The following KCNH8 variants were observed in gnomAD, a reference collection of about 807,000 sequenced individuals.
KCNH8 encodes the protein potassium voltage-gated channel subfamily H member 8, also known as voltage-gated delayed rectifier potassium channel KCNH8.
In KCNH8, 70 loss-of-function variants were observed where a neutral mutation model predicts 103.6. The observed-to-expected ratio is 0.68, with a 90% CI of 0.56 to 0.82. KCNH8 has a LOEUF of 0.82. Ranked by LOEUF, KCNH8 falls within the 40% of genes least tolerant of loss-of-function variation. The pLI, the probability that KCNH8 is intolerant of heterozygous loss-of-function variation, is 0.00. For synonymous variants in KCNH8, 498 were observed against 489.4 expected, an observed-to-expected ratio of 1.02 and a Z score of -0.23; for missense variants, 1,217 against 1,329.9, an observed-to-expected ratio of 0.92 and a Z score of 1.32.
chr3:19,484,753 C>A (rs1025584598), intron 11 of KCNH8, among the ~76,000 whole-genome samples: 9 of 152,126 alleles, frequency 5.9e-5, no homozygotes, highest in African/African-American at 2.2e-4. Context: ...AAAGGATGAA[C>A]TGGGGAGAAT....
chr3:19,345,075 A>G (rs1291522348), intron 4 of KCNH8, among the ~76,000 whole-genome samples: 4 of 152,118 alleles, frequency 2.6e-5, no homozygotes, highest in Non-Finnish European at 5.9e-5. Context: ...TCAGGATGCA[A>G]CATATTTTAG....
chr3:19,382,207 A>G (rs1451622856), intron 5 of KCNH8, among the ~76,000 whole-genome samples: 2 of 152,194 alleles, frequency 1.3e-5, no homozygotes, highest in African/African-American at 4.8e-5. Context: ...AAGTTTCAAA[A>G]AACAATTCAT....
intron 5 of KCNH8, among the ~76,000 whole-genome samples, chr3:19,375,834 C>T (rs1472338250): frequency 2.0e-5 from 3 of 152,112 alleles, no homozygotes; most frequent in African/African-American, 7.2e-5. Flanking sequence ...AGACAGGGCC[C>T]TCAGCTGCAG....
intron 8 of KCNH8, among the ~76,000 whole-genome samples, chr3:19,448,076 A>C (rs974682860): frequency 6.6e-5 from 10 of 152,074 alleles, no homozygotes; most frequent in African/African-American, 2.4e-4. Context: ...GCATGCTGAA[A>C]ATTCATAACA....
At chr3:19,264,039 A>ACTTT (rs1277836565) in intron 2 of KCNH8, among the ~76,000 whole-genome samples, 1 of 152,016 alleles carries the variant, frequency 6.6e-6, no homozygotes, top group Admixed American at 6.6e-5. Flanking sequence ...CTTACCTGAG[A>ACTTT]CTTTGCATGC....
At chr3:19,231,455 C>T (rs1175529736) in intron 1 of KCNH8, among the ~76,000 whole-genome samples, 1 of 152,064 alleles carries the variant, frequency 6.6e-6, no homozygotes, top group African/African-American at 2.4e-5. Flanking sequence ...TTTACATTTA[C>T]ATTTTATATT....
chr3:19,498,759 G>T (rs966878765), intron 11 of KCNH8, among the ~76,000 whole-genome samples: 4 of 152,028 alleles, frequency 2.6e-5, no homozygotes, highest in Non-Finnish European at 5.9e-5. Flanking sequence ...TGGGTTTTTT[G>T]GTGTGGATGT....
intron 11 of KCNH8, among the ~76,000 whole-genome samples, chr3:19,458,326 T>C (rs1043651310): frequency 2.6e-5 from 4 of 151,966 alleles, no homozygotes; most frequent in Non-Finnish European, 5.9e-5. Flanking sequence ...ATGACAATTG[T>C]TTTGAAAATC....
intron 3 of KCNH8, among the ~76,000 whole-genome samples, chr3:19,325,007 A>G (rs1045067721): frequency 2.0e-5 from 3 of 152,160 alleles, no homozygotes; most frequent in Admixed American, 1.3e-4. Flanking sequence ...CCAATGGAAC[A>G]GCATAGACAA....
chr3:19,181,866 T>G (rs568155709), intron 1 of KCNH8, among the ~76,000 whole-genome samples: 25 of 152,268 alleles, frequency 1.6e-4, no homozygotes, highest in Admixed American at 1.2e-3. Context: ...GTTACAAAAC[T>G]GGACAAGAAT....
chr3:19,396,124 G>A (rs879289119), intron 7 of KCNH8, among the ~76,000 whole-genome samples: 6 of 151,838 alleles, frequency 4.0e-5, no homozygotes, highest in Non-Finnish European at 7.4e-5. Context: ...ATTAATCTGA[G>A]ATTTAATCAA....
At chr3:19,476,288 T>C (rs1461364806) in intron 11 of KCNH8, among the ~76,000 whole-genome samples, 1 of 152,158 alleles carries the variant, frequency 6.6e-6, no homozygotes, top group Non-Finnish European at 1.5e-5. Context: ...TTCAACTTTT[T>C]TGTTGCAGTG....
intron 7 of KCNH8, among the ~76,000 whole-genome samples, chr3:19,423,715 C>T (rs1443697603): frequency 2.0e-5 from 3 of 151,768 alleles, no homozygotes; most frequent in Admixed American, 6.6e-5. Context: ...TCATATTTTT[C>T]AATTGCGAAT....
intron 14 of KCNH8, among the ~76,000 whole-genome samples, chr3:19,516,669 C>T (rs190742495): frequency 3.3e-5 from 5 of 152,128 alleles, no homozygotes; most frequent in African/African-American, 1.2e-4. Flanking sequence ...TCTTCCTTAA[C>T]CTATCACCTA....
In KCNH8 at chr3:19,324,506, G is replaced by A. The variant is rs80286940; in HGVS notation, c.443-18081G>A. Among the ~76,000 whole-genome samples the A allele has an allele frequency of 1.5e-4, 23 of 152,210 alleles. No individual in the cohort carries two copies. In the East Asian group the frequency reaches 4.5e-3, roughly 29 times the overall value. ...CACCAGGTCCCTTCCTCAACATGTG[G>A]GGATTATATGAATTACAACTGGAGA... is the stretch of plus-strand genomic sequence containing the variant. On this transcript the variant is annotated intron_variant, in intron 3 of 15. Coordinates refer to ENST00000328405, the MANE Select transcript of KCNH8 (RefSeq NM_144633.3).
At chr3:19,424,118 T>C (rs1396042775) in intron 7 of KCNH8, among the ~76,000 whole-genome samples, 1 of 152,080 alleles carries the variant, frequency 6.6e-6, no homozygotes. Context: ...AATTCTAAAA[T>C]TCATATGGAA....
chr3:19,468,585 G>A (rs931969827), intron 11 of KCNH8, among the ~76,000 whole-genome samples: 1 of 152,144 alleles, frequency 6.6e-6, no homozygotes, highest in Non-Finnish European at 1.5e-5. Context: ...AATAATAGGG[G>A]AAAAATAAAG....
intron 3 of KCNH8, among the ~76,000 whole-genome samples, chr3:19,318,661 G>A (rs865877697): frequency 1.8e-4 from 15 of 85,262 alleles, no homozygotes; most frequent in East Asian, 1.2e-3. Flanking sequence ...GTGTGTGTGT[G>A]TACACACACA....
chr3:19,350,768 G>T (rs528371898), intron 5 of KCNH8, among the ~76,000 whole-genome samples: 1 of 152,096 alleles, frequency 6.6e-6, no homozygotes, highest in South Asian at 2.1e-4. Context: ...AAAACACAAA[G>T]ATGGGGAGAA....
Sources: allele counts gnomAD v4.1 joint callset (sites outside exome capture counted in the v4.1 genomes callset), GRCh38; gene constraint gnomAD v4.1.1; transcripts MANE v1.5; gene names NCBI Gene and HGNC (gene_info 2026-07-23, HGNC 2026-07-21).